Variants in ARL15 observed in about 807,000 individuals in gnomAD.
ARL15 encodes the protein ADP-ribosylation factor-like protein 15.
Under a neutral mutation model 25.2 loss-of-function variants are expected in ARL15, and 19 were observed. The ratio of observed to expected loss-of-function variants is 0.75; its 90% CI spans 0.53 to 1.10. The LOEUF is 1.10. Ranked by LOEUF, ARL15 falls within the 50% of genes least tolerant of loss-of-function variation. The pLI is 0.00. For synonymous variants in ARL15, 94 were observed against 86.8 expected, an observed-to-expected ratio of 1.08 and a Z score of -0.46; for missense variants, 220 against 246.0, an observed-to-expected ratio of 0.89 and a Z score of 0.71.
chr5:54,144,335 T>G (rs1454427069), intron 3 of ARL15, among the ~76,000 whole-genome samples: 1 of 152,144 alleles, frequency 6.6e-6, no homozygotes. Flanking sequence ...TCTCTCAAAT[T>G]TTTCCCCACA....
intron 4 of ARL15, among the ~76,000 whole-genome samples, chr5:54,093,986 G>A (rs1752208894): frequency 1.3e-5 from 2 of 152,124 alleles, no homozygotes; most frequent in Admixed American, 6.6e-5. Flanking sequence ...GTCTCAGAGT[G>A]AAGGTTTCTA....
chr5:54,217,451 C>T (rs1756241630), intron 1 of ARL15, among the ~76,000 whole-genome samples: 1 of 151,976 alleles, frequency 6.6e-6, no homozygotes, highest in African/African-American at 2.4e-5. Context: ...ATGCATGTTC[C>T]TAAGGGACCT....
At chr5:54,285,646 A>C (rs1758162074) in intron 1 of ARL15, among the ~76,000 whole-genome samples, 1 of 152,190 alleles carries the variant, frequency 6.6e-6, no homozygotes, top group Non-Finnish European at 1.5e-5. Context: ...TGAAAATTAA[A>C]AAGTTAAAAC....
intron 1 of ARL15, among the ~76,000 whole-genome samples, chr5:54,248,736 T>G (rs1757158612): frequency 6.6e-6 from 1 of 152,206 alleles, no homozygotes; most frequent in South Asian, 2.1e-4. Flanking sequence ...ATTTGCTGAA[T>G]GAGTTGGTCT....
At chr5:54,159,785 G>T (rs143004087) in intron 2 of ARL15, among the ~76,000 whole-genome samples, 1 of 152,296 alleles carries the variant, frequency 6.6e-6, no homozygotes, top group African/African-American at 2.4e-5. Context: ...GGAAATAATT[G>T]TTTGCATAGC....
At chr5:53,917,081 C>T (rs1309460267) in intron 4 of ARL15, among the ~76,000 whole-genome samples, 2 of 152,138 alleles carry the variant, frequency 1.3e-5, no homozygotes, top group African/African-American at 4.8e-5. Context: ...GAAAATCTGT[C>T]CCCTTGGAAA....
chr5:54,178,685 A>C (rs889594516), intron 1 of ARL15, among the ~76,000 whole-genome samples: 1 of 152,234 alleles, frequency 6.6e-6, no homozygotes, highest in African/African-American at 2.4e-5. Context: ...AGAAGCTTCT[A>C]AAAAGAAGTC....
chr5:54,268,430 G>T (rs1001831600), intron 1 of ARL15, among the ~76,000 whole-genome samples: 1 of 152,130 alleles, frequency 6.6e-6, no homozygotes, highest in Non-Finnish European at 1.5e-5. Context: ...CTGTAGCTCG[G>T]AGTAGTTTGA....
intron 1 of ARL15, among the ~76,000 whole-genome samples, chr5:54,240,354 A>G (rs1400228382): frequency 6.6e-6 from 1 of 152,062 alleles, no homozygotes; most frequent in Non-Finnish European, 1.5e-5. Flanking sequence ...AAATTAAAAA[A>G]TATTTTCCAC....
chr5:53,931,306 A>G (rs2112051330), intron 4 of ARL15, among the ~76,000 whole-genome samples: 1 of 152,328 alleles, frequency 6.6e-6, no homozygotes, highest in East Asian at 1.9e-4. Context: ...TGTCTAAATG[A>G]TGTTCTTACC....
chr5:54,073,699 C>T (rs1301886558), intron 4 of ARL15, among the ~76,000 whole-genome samples: 4 of 152,282 alleles, frequency 2.6e-5, no homozygotes, highest in Middle Eastern at 3.4e-3. Context: ...TTACTGACAT[C>T]ATTTAAGCCC....
chr5:54,049,860 C>T (rs1243011490), intron 4 of ARL15, among the ~76,000 whole-genome samples: 1 of 152,110 alleles, frequency 6.6e-6, no homozygotes, highest in Non-Finnish European at 1.5e-5. Flanking sequence ...GCATGAGCCA[C>T]GACTCCCAGC....
intron 4 of ARL15, among the ~76,000 whole-genome samples, chr5:53,890,875 C>T (rs2111895870): frequency 6.6e-6 from 1 of 152,346 alleles, no homozygotes; most frequent in South Asian, 2.1e-4. Flanking sequence ...TTACATAGCA[C>T]TGGAGACCCA....
chr5:54,262,903 A>T, intron 1 of ARL15, among the ~76,000 whole-genome samples: 1 of 152,196 alleles, frequency 6.6e-6, no homozygotes, highest in East Asian at 1.9e-4. Context: ...CACTGGCAAC[A>T]AAAAGTATTT....
rs429617 is a variant in ARL15 at position 54,089,009 on chromosome 5, G to A, written c.462+24193C>T. 8.3e-3 allele frequency among the ~76,000 whole-genome samples: 1,256 copies of A among 152,184 alleles called. 14 individuals carry two copies. Among genetic ancestry groups the A allele is most frequent in the African/African-American group, 0.029 (1,184 of 41,494 alleles). On this transcript the variant is annotated intron_variant, in intron 4 of 4. Transcript: ENST00000504924. The stretch of plus-strand genomic sequence containing the variant: ...AACAACAGTCATATGGAGTGTTGTC[G>A]CATATGAATGATTACTTGAAATCAG...
At chr5:54,010,786 C>T (rs925382806) in intron 4 of ARL15, among the ~76,000 whole-genome samples, 3 of 151,886 alleles carry the variant, frequency 2.0e-5, no homozygotes, top group Non-Finnish European at 2.9e-5. Context: ...CTGAGGCGCG[C>T]GGATCACGAG....
chr5:54,028,613 T>C (rs1311004878), intron 4 of ARL15, among the ~76,000 whole-genome samples: 3 of 152,192 alleles, frequency 2.0e-5, no homozygotes, highest in Non-Finnish European at 4.4e-5. Context: ...AAGTTGATAT[T>C]TAATAATCTG....
chr5:54,246,245 A>G (rs1193375369), intron 1 of ARL15, among the ~76,000 whole-genome samples: 1 of 152,008 alleles, frequency 6.6e-6, no homozygotes, highest in Admixed American at 6.6e-5. Context: ...AAGGGTCTAC[A>G]AACTCCTCTA....
At chr5:53,890,206 G>C (rs1231994443) in intron 4 of ARL15, among the ~76,000 whole-genome samples, 1 of 152,032 alleles carries the variant, frequency 6.6e-6, no homozygotes, top group African/African-American at 2.4e-5. Flanking sequence ...AGTCACATTT[G>C]AATTGTTCAC....
Sources: allele counts gnomAD v4.1 joint callset (sites outside exome capture counted in the v4.1 genomes callset), GRCh38; gene constraint gnomAD v4.1.1; transcripts MANE v1.5; gene names NCBI Gene and HGNC (gene_info 2026-07-23, HGNC 2026-07-21).